PHKA1: variants seen among roughly 807,000 people sequenced by gnomAD.
PHKA1 encodes the protein phosphorylase kinase regulatory subunit alpha 1.
A neutral mutation model predicts 110.2 loss-of-function variants in PHKA1; 60 were observed. The observed-to-expected ratio is 0.54, with a 90% CI of 0.44 to 0.68. The LOEUF (loss-of-function observed/expected upper bound fraction) is 0.68, where lower values mean the gene tolerates loss of function less well. PHKA1 is among the 30% of genes least tolerant of loss of function. PHKA1 has a pLI of 0.00. For missense variants in PHKA1, 801 were observed against 942.5 expected, an observed-to-expected ratio of 0.85 and a Z score of 1.97; for synonymous variants, 316 against 333.6, an observed-to-expected ratio of 0.95 and a Z score of 0.58.
chrX:72,680,740 G>A (rs1246116987), intron 5 of PHKA1, among the ~76,000 whole-genome samples: 1 of 96,454 alleles, frequency 1.0e-5, no homozygotes, highest in African/African-American at 4.1e-5. Flanking sequence ...TGCCGCGACC[G>A]ACCGCAGCCG....
intron 14 of PHKA1, among the ~76,000 whole-genome samples, chrX:72,637,529 T>C (rs1397285878): frequency 8.9e-6 from 1 of 112,174 alleles, no homozygotes; most frequent in East Asian, 2.8e-4. Flanking sequence ...GTAGAAAATG[T>C]TCAAGTTCCT....
intron 4 of PHKA1, among the ~76,000 whole-genome samples, chrX:72,691,283 A>G (rs2054036129): frequency 8.9e-6 from 1 of 112,620 alleles, no homozygotes; most frequent in African/African-American, 3.2e-5. Context: ...TAGTTATGCC[A>G]GTACCTGTAC....
intron 28 of PHKA1, among the ~76,000 whole-genome samples, chrX:72,594,813 G>A (rs868986939): frequency 3.6e-5 from 4 of 112,114 alleles, no homozygotes; most frequent in Admixed American, 1.9e-4. Flanking sequence ...ATAAACAAAC[G>A]TTCCCACATA....
rs781902933 is a variant in PHKA1 at position 72,713,781 on chromosome X, CGA to C, written c.78+20_78+21del. On this transcript the variant is annotated intron_variant, in intron 1 of 31. Coordinates refer to ENST00000373542, the MANE Select transcript of PHKA1 (RefSeq NM_002637.4). ...AAGCTACATCCTCGCTCGGTGATTACGAGAGACACCCCTGCAGTTACCTGATG... is the reference window on the plus strand; with the variant it reads ...AAGCTACATCCTCGCTCGGTGATTACGAGACACCCCTGCAGTTACCTGATG... The C allele has an allele frequency of 9.5e-6, 11 of 1,161,383 alleles. No homozygotes were observed. Among genetic ancestry groups the C allele is most frequent in the Non-Finnish European group, 1.3e-5 (11 of 849,775 alleles).
intron 16 of PHKA1, among the ~76,000 whole-genome samples, chrX:72,631,141 T>C (rs1426130978): frequency 1.8e-5 from 2 of 109,352 alleles, no homozygotes; most frequent in South Asian, 4.0e-4. Flanking sequence ...TATTTTTCAG[T>C]CCTAAAACTT....
chrX:72,618,761 G>A lies in PHKA1; in HGVS notation c.2318C>T (p.Thr773Ile). 2 of 1,195,471 alleles carry A rather than the reference G, an allele frequency of 1.7e-6. No individual in the cohort carries two copies. Among genetic ancestry groups the A allele is most frequent in the Non-Finnish European group, 2.3e-6 (2 of 880,898 alleles). The change falls in exon 21 of 32, where the codon ACC becomes ATC. Residue 773 changes from threonine to isoleucine, a missense_variant. Transcript: ENST00000373542. The part of the protein sequence containing the change: ...FKALVLQLKE[T>I]SSLQEQADIL... ...ATCAGCTTGTTCCTGTAAGCTTGAG[G>A]TCTCCTTCAACTGTAAAACCAGTGC...
At chrX:72,631,776 T>G (rs1363123102) in intron 16 of PHKA1, among the ~76,000 whole-genome samples, 1 of 111,199 alleles carries the variant, frequency 9.0e-6, no homozygotes, top group African/African-American at 3.3e-5. Flanking sequence ...GTTTTATATA[T>G]GTCAAGGATT....
intron 6 of PHKA1, among the ~76,000 whole-genome samples, chrX:72,675,612 T>C (rs1405527457): frequency 9.0e-6 from 1 of 110,773 alleles, no homozygotes; most frequent in Non-Finnish European, 1.9e-5. Flanking sequence ...GTGGGTAGGA[T>C]GAAAAAGTAG....
intron 5 of PHKA1, among the ~76,000 whole-genome samples, chrX:72,680,656 G>A (rs782021281): frequency 2.7e-3 from 292 of 108,237 alleles, no homozygotes; most frequent in Middle Eastern, 0.015. Context: ...GCTGCGGCCC[G>A]GGGCAGTGCG....
chrX:72,701,516 C>T (rs1041505687), intron 3 of PHKA1, among the ~76,000 whole-genome samples: 3 of 111,305 alleles, frequency 2.7e-5, no homozygotes, highest in Admixed American at 1.9e-4. Context: ...GTCAGGAGTT[C>T]GAGACCAGCC....
chrX:72,710,525 C>T (rs1193162577), intron 2 of PHKA1, among the ~76,000 whole-genome samples: 1 of 112,066 alleles, frequency 8.9e-6, no homozygotes, highest in Non-Finnish European at 1.9e-5. Flanking sequence ...ATATGATTTT[C>T]TGGTCCTTGA....
intron 16 of PHKA1, among the ~76,000 whole-genome samples, chrX:72,634,665 G>C (rs1556290477): frequency 1.8e-5 from 2 of 111,047 alleles, no homozygotes; most frequent in Non-Finnish European, 3.8e-5. Flanking sequence ...GAAGCAGCCT[G>C]GGAAATTATC....
intron 2 of PHKA1, among the ~76,000 whole-genome samples, chrX:72,706,666 C>T (rs782006633): frequency 9.0e-5 from 10 of 111,435 alleles, no homozygotes; most frequent in Non-Finnish European, 1.5e-4. Flanking sequence ...GGCCTCTAGT[C>T]GACCAATATA....
intron 23 of PHKA1, among the ~76,000 whole-genome samples, chrX:72,608,445 C>T (rs781932480): frequency 9.0e-6 from 1 of 111,720 alleles, no homozygotes; most frequent in African/African-American, 3.3e-5. Flanking sequence ...CTCACTAGGC[C>T]GCATGCACCC....
intron 4 of PHKA1, among the ~76,000 whole-genome samples, chrX:72,686,617 G>C (rs1298365742): frequency 8.9e-6 from 1 of 111,767 alleles, no homozygotes; most frequent in Non-Finnish European, 1.9e-5. Flanking sequence ...ACATGTGCCA[G>C]TATATCAGGG....
chrX:72,635,089 G>GT, intron 16 of PHKA1, 66 bp downstream of exon 16: 2 of 1,151,555 alleles, frequency 1.7e-6, no homozygotes, highest in Non-Finnish European at 2.4e-6. Flanking sequence ...ACAACAAGAT[G>GT]TTGAAGGGCT....
At chrX:72,713,454 T>C (rs1218758116) in intron 1 of PHKA1, among the ~76,000 whole-genome samples, 1 of 111,314 alleles carries the variant, frequency 9.0e-6, no homozygotes, top group African/African-American at 3.3e-5. Flanking sequence ...GTCTGAAATG[T>C]GGGTATTATT....
In PHKA1 at chrX:72,652,657, A is replaced by G; in HGVS notation, c.1138-6T>C. 8 of 1,053,337 alleles carry G rather than the reference A, an allele frequency of 7.6e-6. No homozygotes were observed. Among genetic ancestry groups the G allele is most frequent in the Non-Finnish European group, 1.1e-5 (8 of 751,934 alleles). The allele number at this position is 1,053,337 out of a possible 1,213,427, so 86.8% of individuals were successfully genotyped here. A position where few individuals can be genotyped will look rare whatever the true frequency, so the allele number is the denominator to read the frequency against. ...TTCTGATATTCTTCATCGACCTAAA[A>G]GAAAAGATGAAGAGGCCAGATGAGG... On this transcript the variant is annotated splice_region_variant and splice_polypyrimidine_tract_variant and intron_variant, in intron 11 of 31. Transcript: ENST00000373542.
intron 7 of PHKA1, 137 bp downstream of exon 7, chrX:72,667,238 A>C: frequency 1.9e-6 from 1 of 519,969 alleles, no homozygotes; most frequent in South Asian, 2.6e-5. Context: ...ATGCTTGTTA[A>C]ATATATTTTT....
Sources: gnomAD v4.1 joint callset for allele counts (sites outside exome capture counted in the v4.1 genomes callset) on GRCh38, gnomAD v4.1.1 for gene constraint, MANE v1.5 for transcripts, NCBI Gene and HGNC (gene_info 2026-07-23, HGNC 2026-07-21) for gene names.